ASCC1: variants seen among roughly 807,000 people sequenced by gnomAD.
ASCC1 encodes the protein activating signal cointegrator 1 complex subunit 1, also known as ASC-1 complex subunit P50.
Under a neutral mutation model 46.6 loss-of-function variants are expected in ASCC1, and 35 were observed. The ratio of observed to expected loss-of-function variants is 0.75; its 90% confidence interval spans 0.57 to 0.99. The LOEUF is 0.99. Among genes scored for constraint, ASCC1 ranks in the 50% least tolerant of loss-of-function variants. ASCC1 has a pLI of 0.00. For missense variants in ASCC1, 376 were observed against 428.7 expected (o/e 0.88, Z 1.09); for synonymous variants, 143 against 146.6 (o/e 0.98, Z 0.18).
intron 7 of ASCC1, among the ~76,000 whole-genome samples, chr10:72,139,200 G>T (rs1439596218): frequency 4.2e-5 from 6 of 144,142 alleles, no homozygotes; most frequent in African/African-American, 1.3e-4. Flanking sequence ...TGCAACCTTC[G>T]CCTCCCAGGT....
At chr10:72,165,905 C>T (rs1031575570) in intron 5 of ASCC1, among the ~76,000 whole-genome samples, 6 of 152,188 alleles carry the variant, frequency 3.9e-5, no homozygotes, top group Non-Finnish European at 7.3e-5. Flanking sequence ...CCAGCAATAA[C>T]GGTAATATTT....
chr10:72,109,228 C>G (rs975065759), intron 9 of ASCC1, among the ~76,000 whole-genome samples: 1 of 152,156 alleles, frequency 6.6e-6, no homozygotes, highest in Non-Finnish European at 1.5e-5. Context: ...ACATCGTGGC[C>G]TCTATTAGGA....
intron 2 of ASCC1, 77 bp from the exon 3 acceptor site, chr10:72,210,908 G>C (rs73276912): frequency 2.2e-6 from 3 of 1,373,956 alleles, no homozygotes; most frequent in South Asian, 2.4e-5. Context: ...GCTGTCAACC[G>C]CTGTTGAGGT....
chr10:72,127,421 C>CT, intron 9 of ASCC1, among the ~76,000 whole-genome samples: 1 of 152,240 alleles, frequency 6.6e-6, no homozygotes, highest in East Asian at 1.9e-4. Context: ...AAAGGCAAAG[C>CT]TTCAATGGTC....
In ASCC1 at chr10:72,190,628, T is replaced by C. The variant is rs1156660635; in HGVS notation, c.489+6183A>G. The C allele has an allele frequency of 5.7e-6, 5 of 878,004 alleles. No homozygotes were observed. In the South Asian group the frequency reaches 6.8e-5, roughly 12 times the overall value. 54.4% of individuals were successfully genotyped at this position (878,004 alleles called of 1,614,324 possible). A position where few individuals can be genotyped will look rare whatever the true frequency, so the allele number is the denominator to read the frequency against. ...CCTAATAAACAATTTAAGACAGTCA[T>C]GTGTGCTTACAGGTGTTATTTGTCT... On this transcript the variant is annotated intron_variant, in intron 5 of 9. Coordinates refer to ENST00000672957, the MANE Select transcript of ASCC1 (RefSeq NM_001198800.3).
At chr10:72,204,586 T>C (rs906606139) in intron 3 of ASCC1, 1 of 1,505,500 alleles carries the variant, frequency 6.6e-7, no homozygotes, top group Non-Finnish European at 8.9e-7. Flanking sequence ...AAGAACTCCT[T>C]GTCATCAACG....
intron 8 of ASCC1, among the ~76,000 whole-genome samples, chr10:72,130,714 T>C (rs1032883984): frequency 1.3e-5 from 2 of 152,198 alleles, no homozygotes; most frequent in Non-Finnish European, 2.9e-5. Flanking sequence ...ACTATCCAGA[T>C]GTTTTCCCAT....
chr10:72,153,764 G>A (rs751760837), intron 6 of ASCC1, among the ~76,000 whole-genome samples: 6 of 150,904 alleles, frequency 4.0e-5, no homozygotes, highest in Admixed American at 1.3e-4. Flanking sequence ...TTTGCTAGTC[G>A]CCCAGGCTGG....
intron 4 of ASCC1, among the ~76,000 whole-genome samples, chr10:72,203,146 C>T (rs761167128): frequency 2.6e-5 from 4 of 151,858 alleles, no homozygotes; most frequent in Non-Finnish European, 5.9e-5. Flanking sequence ...ATTAGCCAGG[C>T]GTGGTGGCAC....
intron 5 of ASCC1, among the ~76,000 whole-genome samples, chr10:72,169,104 A>G (rs1405985195): frequency 1.3e-5 from 2 of 152,244 alleles, no homozygotes; most frequent in East Asian, 3.8e-4. Context: ...GTATAAACAC[A>G]TGTATACAAT....
intron 5 of ASCC1, among the ~76,000 whole-genome samples, chr10:72,192,123 T>C (rs1280146352): frequency 6.6e-6 from 1 of 151,998 alleles, no homozygotes; most frequent in Non-Finnish European, 1.5e-5. Context: ...AGGACTTGTA[T>C]CAACAATATA....
intron 5 of ASCC1, among the ~76,000 whole-genome samples, chr10:72,184,258 G>A (rs1853114224): frequency 6.7e-6 from 1 of 149,470 alleles, no homozygotes; most frequent in African/African-American, 2.5e-5. Flanking sequence ...ATAAAGAAGA[G>A]ACAGAAAGAA....
intron 5 of ASCC1, among the ~76,000 whole-genome samples, chr10:72,191,556 CA>C (rs1236726814): frequency 6.6e-6 from 1 of 151,284 alleles, no homozygotes; most frequent in African/African-American, 2.4e-5. Flanking sequence ...GCATCTCGTA[CA>C]AAAAAATTAC....
rs1199272868 is a variant in ASCC1, at chr10:72,118,597, T to C, written c.957+9485A>G. Among the ~76,000 whole-genome samples the C allele has an allele frequency of 2.0e-5, 3 of 151,714 alleles. No homozygotes were observed. The East Asian group carries it at 5.9e-4, about 30-fold the overall frequency. On this transcript the variant is annotated intron_variant, in intron 9 of 9. Coordinates refer to ENST00000672957, the MANE Select transcript of ASCC1 (RefSeq NM_001198800.3). ...GAGTTCGAGACCAGCCTGACCAACATGGTGAAACCCCGTCTCTACTAAAAA... is the reference window on the plus strand; with the variant it reads ...GAGTTCGAGACCAGCCTGACCAACACGGTGAAACCCCGTCTCTACTAAAAA...
At chr10:72,212,563 T>C (rs1033220069) in intron 2 of ASCC1, among the ~76,000 whole-genome samples, 1 of 152,090 alleles carries the variant, frequency 6.6e-6, no homozygotes, top group Admixed American at 6.6e-5. Flanking sequence ...ATAATTACTT[T>C]AGGGCCAAGT....
chr10:72,109,008 A>G (rs560742544), intron 9 of ASCC1, among the ~76,000 whole-genome samples: 2 of 152,356 alleles, frequency 1.3e-5, no homozygotes, highest in African/African-American at 4.8e-5. Context: ...TCCTAGAGTC[A>G]TCTCCAAACA....
At chr10:72,124,368 T>C (rs1250978241) in intron 9 of ASCC1, among the ~76,000 whole-genome samples, 3 of 152,226 alleles carry the variant, frequency 2.0e-5, no homozygotes, top group Non-Finnish European at 2.9e-5. Flanking sequence ...TATAGTACTT[T>C]CCATTCTTTC....
chr10:72,209,161 T>A (rs1343036446), intron 3 of ASCC1, among the ~76,000 whole-genome samples: 2 of 148,382 alleles, frequency 1.3e-5, no homozygotes, highest in Non-Finnish European at 3.0e-5. Context: ...CAAAGCCCTG[T>A]CTTTAAAAAA....
chr10:72,186,494 C>T (rs1355129294), intron 5 of ASCC1, among the ~76,000 whole-genome samples: 1 of 152,132 alleles, frequency 6.6e-6, no homozygotes, highest in African/African-American at 2.4e-5. Flanking sequence ...TCTCAGAAAA[C>T]AACTGCTATC....
Sources: allele counts gnomAD v4.1 joint callset (sites outside exome capture counted in the v4.1 genomes callset), GRCh38; gene constraint gnomAD v4.1.1; transcripts MANE v1.5; gene names NCBI Gene and HGNC (gene_info 2026-07-23, HGNC 2026-07-21).